Variants in ZNF619 observed in about 807,000 individuals in gnomAD.
ZNF619 encodes zinc finger protein 619.
A neutral mutation model predicts 14.2 loss-of-function variants in ZNF619; 9 were observed. The ratio of observed to expected loss-of-function variants is 0.64; its 90% CI spans 0.38 to 1.11. The LOEUF (loss-of-function observed/expected upper bound fraction) is 1.11, where lower values mean the gene tolerates loss of function less well. ZNF619 is among the 50% of genes least tolerant of loss of function. ZNF619 has a pLI of 0.01. For synonymous variants in ZNF619, 246 were observed against 252.8 expected, an observed-to-expected ratio of 0.97 and a Z score of 0.26; for missense variants, 659 against 680.1, an observed-to-expected ratio of 0.97 and a Z score of 0.34.
At position 40,487,111 on chromosome 3, in the gene ZNF619, C is replaced by T. The variant is rs1453301087; in HGVS notation, c.601C>T (p.Gln201Ter). 4 of 1,613,990 alleles carry T rather than the reference C, an allele frequency of 2.5e-6. No homozygotes were observed. The highest frequency in any genetic ancestry group is 1.7e-5 in the Admixed American group (1 of 60,006). The change falls in exon 5 of 5, where the codon CAG becomes TAG. Residue 201 changes from glutamine (Q) to a stop codon, truncating the protein, a stop_gained. Transcript: ENST00000432264. LOFTEE classifies it low-confidence loss of function (END_TRUNC). ...LITKQGFAKEQVFYKCGECGS... is the reference protein window; with the variant it reads ...LITKQGFAKE ...TACAAAGCAGGGTTTTGCCAAAGAA[C>T]AGGTGTTTTATAAATGTGGTGAGTG...
chr3:40,478,146 G>GACGA (rs1250351942), intron 2 of ZNF619, 143 bp downstream of exon 2: 2 of 742,592 alleles, frequency 2.7e-6, no homozygotes, highest in Non-Finnish European at 4.4e-6. Flanking sequence ...GAGGGGAGTT[G>GACGA]ACGAACGAGA....
intron 1 of ZNF619, 119 bp from the exon 2 acceptor site, chr3:40,477,799 G>A: frequency 1.6e-6 from 1 of 612,694 alleles, no homozygotes. Context: ...AGTGGAGAGG[G>A]TGAATGACAG....
Position 40,487,309 on chromosome 3 carries a change from CA to C in ZNF619, c.801del (p.Ala268ProfsTer36). ...ACCATACTCATGTGAGGAATGTGGA[CA>C]AGCCTTCAGTCAAAATTCCCACCTT... ...EKPYSCEECG[Q>X]AFSQNSHLLQ... On this transcript the variant is annotated frameshift_variant, in exon 5 of 5. Transcript: ENST00000432264. LOFTEE classifies it low-confidence loss of function (END_TRUNC). 1 of 1,614,038 alleles carries C rather than the reference CA, an allele frequency of 6.2e-7. No individual in the cohort carries two copies. The highest frequency in any genetic ancestry group is 1.1e-5 in the South Asian group (1 of 91,062).
At position 40,487,107 on chromosome 3, in the gene ZNF619, A is replaced by T. The variant is rs771306255; in HGVS notation, c.597A>T (p.Lys199Asn). 5 of 1,614,146 alleles carry T rather than the reference A, an allele frequency of 3.1e-6. No homozygotes were observed. The South Asian group carries it at 5.5e-5, about 18-fold the overall frequency. Residue 199 changes from lysine to asparagine, a missense_variant, in exon 5 of 5, where the codon AAA (lysine) becomes AAT (asparagine). Physicochemically the swap from Lys to Asn is moderately conservative, Grantham distance 94 (BLOSUM62 0). Transcript: ENST00000432264. Reference sequence around the variant, plus strand: ...TCATTACAAAGCAGGGTTTTGCCAAAGAACAGGTGTTTTATAAATGTGGTG... The same window carrying T: ...TCATTACAAAGCAGGGTTTTGCCAATGAACAGGTGTTTTATAAATGTGGTG... Reference protein sequence around the residue: ...THLITKQGFAKEQVFYKCGEC... With the variant: ...THLITKQGFANEQVFYKCGEC...
At chr3:40,482,965 C>T (rs1288282322) in intron 4 of ZNF619, among the ~76,000 whole-genome samples, 1 of 152,182 alleles carries the variant, frequency 6.6e-6, no homozygotes. Context: ...TATCCGAGCA[C>T]TTTGGGAGGC....
In ZNF619 at chr3:40,480,737, C is replaced by T. The variant is rs866536573; in HGVS notation, c.25-1126C>T. Among the ~76,000 whole-genome samples, 38 of 152,122 alleles carry T rather than the reference C, an allele frequency of 2.5e-4. 1 individual carries two copies. The highest frequency in any genetic ancestry group is 6.7e-4 in the African/African-American group (28 of 41,502). On this transcript the variant is annotated intron_variant, in intron 2 of 4. Transcript: ENST00000432264. ...GGATGGTCTTGATCTCCTGACCTCG[C>T]GATCTGCCCGCCTCGGCCTCCCAAA...
intron 2 of ZNF619, among the ~76,000 whole-genome samples, chr3:40,481,478 T>C (rs1439057372): frequency 1.3e-5 from 2 of 152,144 alleles, no homozygotes; most frequent in Non-Finnish European, 2.9e-5. Context: ...GCAGAAGATG[T>C]AGAGGAGGAA....
In ZNF619 at chr3:40,487,306, G is replaced by C; in HGVS notation, c.796G>C (p.Gly266Arg). ...GAAACCATACTCATGTGAGGAATGT[G>C]GACAAGCCTTCAGTCAAAATTCCCA... is the stretch of plus-strand genomic sequence containing the variant. ...GEKPYSCEEC[G>R]QAFSQNSHLL... Residue 266 changes from glycine to arginine, a missense_variant, in exon 5 of 5, where the codon GGA becomes CGA. Gly to Arg is a moderately radical substitution (Grantham distance 125, BLOSUM62 -2). Coordinates refer to ENST00000432264, the MANE Select transcript of ZNF619 (RefSeq NM_001145093.4). 6.2e-7 allele frequency: 1 copy of C among 1,614,092 alleles called. No individual in the cohort carries two copies. Among genetic ancestry groups the C allele is most frequent in the Middle Eastern group, 1.6e-4 (1 of 6,062 alleles).
At chr3:40,482,510 C>T (rs1433167903) in intron 3 of ZNF619, 78 bp from the exon 4 acceptor site, 1 of 1,561,274 alleles carries the variant, frequency 6.4e-7, no homozygotes, top group Non-Finnish European at 8.8e-7. Context: ...CTATTTTCAT[C>T]TGGCAAAGCA....
Position 40,487,547 on chromosome 3 carries a change from G to A in ZNF619, c.1037G>A (p.Cys346Tyr). The A allele has an allele frequency of 6.2e-7, 1 of 1,614,216 alleles. No individual in the cohort carries two copies. The highest frequency in any genetic ancestry group is 8.5e-7 in the Non-Finnish European group (1 of 1,180,046). Residue 346 changes from cysteine to tyrosine, a missense_variant, in exon 5 of 5, where the codon TGT (cysteine) becomes TAT (tyrosine). Cys to Tyr is a radical substitution (Grantham distance 194). Coordinates refer to ENST00000432264, the MANE Select transcript of ZNF619 (RefSeq NM_001145093.4). ...RIHNGEKPYE[C>Y]KECGKSLSSN... is the part of the protein sequence containing the mutation. ...CACAATGGGGAGAAGCCCTATGAAT[G>A]TAAGGAGTGTGGGAAGAGTTTGAGT...
chr3:40,482,925 T>C (rs574088815), intron 4 of ZNF619, among the ~76,000 whole-genome samples: 3 of 152,170 alleles, frequency 2.0e-5, no homozygotes, highest in African/African-American at 7.2e-5. Context: ...AGCTAAAGGA[T>C]TTCAGGCTGG....
chr3:40,480,499 CTTT>C (rs36016449), intron 2 of ZNF619, among the ~76,000 whole-genome samples: 3 of 133,026 alleles, frequency 2.3e-5, no homozygotes, highest in Non-Finnish European at 3.1e-5. Context: ...CTGCATAGTA[CTTT>C]TTTTTTTTTT....
chr3:40,485,460 T>C (rs1335193527), intron 4 of ZNF619, among the ~76,000 whole-genome samples: 1 of 152,064 alleles, frequency 6.6e-6, no homozygotes, highest in Non-Finnish European at 1.5e-5. Flanking sequence ...CGCCACCACA[T>C]CCGGCTAATT....
intron 4 of ZNF619, among the ~76,000 whole-genome samples, chr3:40,485,122 A>G (rs1024505307): frequency 2.0e-5 from 3 of 152,174 alleles, no homozygotes; most frequent in East Asian, 1.9e-4. Flanking sequence ...ACAAGTTCCC[A>G]GATGATACTG....
At position 40,487,555 on chromosome 3, in the gene ZNF619, T is replaced by G; in HGVS notation, c.1045T>G (p.Cys349Gly). ...GGAGAAGCCCTATGAATGTAAGGAG[T>G]GTGGGAAGAGTTTGAGTTCTAATTC... ...NGEKPYECKE[C>G]GKSLSSNSVL... The change falls in exon 5 of 5, where the codon TGT becomes GGT. Residue 349 changes from cysteine to glycine, a missense_variant. By Grantham distance (159) the Cys-to-Gly change is radical. Transcript: ENST00000432264. 1 of 1,613,842 alleles carries G rather than the reference T, an allele frequency of 6.2e-7. No homozygotes were observed. The highest frequency in any genetic ancestry group is 2.2e-5 in the East Asian group (1 of 44,872).
At chr3:40,485,469 T>C (rs1021272149) in intron 4 of ZNF619, among the ~76,000 whole-genome samples, 1 of 152,110 alleles carries the variant, frequency 6.6e-6, no homozygotes, top group African/African-American at 2.4e-5. Context: ...ATCCGGCTAA[T>C]TTTTTGTATT....
intron 2 of ZNF619, among the ~76,000 whole-genome samples, chr3:40,479,838 A>G (rs1248320948): frequency 6.6e-6 from 1 of 152,178 alleles, no homozygotes; most frequent in African/African-American, 2.4e-5. Flanking sequence ...TGACAACTAA[A>G]AATGTCTCCA....
In ZNF619 at chr3:40,481,945, G is replaced by A. The variant is rs1165033985; in HGVS notation, c.107G>A (p.Ser36Asn). 6.2e-7 allele frequency: 1 copy of A among 1,613,856 alleles called. No individual in the cohort carries two copies. The highest frequency in any genetic ancestry group is 1.7e-5 in the Admixed American group (1 of 59,968). The change falls in exon 3 of 5, where the codon AGC (serine) becomes AAC (asparagine). Residue 36 changes from serine (S) to asparagine (N), a missense_variant. Ser to Asn is a conservative substitution (Grantham distance 46, BLOSUM62 1). Coordinates refer to ENST00000432264, the MANE Select transcript of ZNF619 (RefSeq NM_001145093.4). ...AVYFTQNEWA[S>N]LHPTQRALYR... ...TACTTCACCCAGAATGAATGGGCCA[G>A]CCTGCACCCTACGCAGAGGGCCCTA...
intron 4 of ZNF619, among the ~76,000 whole-genome samples, chr3:40,484,457 T>C (rs913978031): frequency 1.3e-5 from 2 of 152,228 alleles, no homozygotes; most frequent in African/African-American, 4.8e-5. Context: ...GGCTCTGTTA[T>C]CATATTCTGT....
Sources: gnomAD v4.1 joint callset for allele counts (sites outside exome capture counted in the v4.1 genomes callset) on GRCh38, gnomAD v4.1.1 for gene constraint, MANE v1.5 for transcripts, NCBI Gene and HGNC (gene_info 2026-07-23, HGNC 2026-07-21) for gene names.